DIAPH2: variants seen among roughly 807,000 people sequenced by gnomAD.
DIAPH2 encodes the protein diaphanous related formin 2, also known as protein diaphanous homolog 2.
A neutral mutation model predicts 92.7 loss-of-function variants in DIAPH2; 35 were observed. That is an observed-to-expected ratio of 0.38 (90% CI 0.29 to 0.50). The LOEUF (loss-of-function observed/expected upper bound fraction) is 0.50. Among genes scored for constraint, DIAPH2 ranks in the 20% least tolerant of loss-of-function variants. DIAPH2 has a pLI of 0.94. For synonymous variants in DIAPH2, 301 were observed against 280.4 expected, an observed-to-expected ratio of 1.07 and a Z score of -0.73; for missense variants, 701 against 819.5, an observed-to-expected ratio of 0.86 and a Z score of 1.77.
intron 21 of DIAPH2, among the ~76,000 whole-genome samples, chrX:97,124,783 A>G (rs5920749): frequency 0.046 from 5,174 of 111,552 alleles, 110 homozygotes; most frequent in Non-Finnish European, 0.064. Context: ...TGCCTCCTAG[A>G]TATCTAGATA....
At chrX:96,755,585 G>C (rs1459076087) in intron 3 of DIAPH2, among the ~76,000 whole-genome samples, 7 of 110,681 alleles carry the variant, frequency 6.3e-5, no homozygotes, top group Non-Finnish European at 1.3e-4. Flanking sequence ...CTTGGGAGGT[G>C]GAGCTTGCAG....
chrX:97,439,800 A>G (rs780947818), intron 26 of DIAPH2, among the ~76,000 whole-genome samples: 1 of 110,213 alleles, frequency 9.1e-6, no homozygotes, highest in South Asian at 4.1e-4. Context: ...AATCTTTGTC[A>G]ACTTCAGAAT....
At chrX:97,411,855 A>C (rs1486588450) in intron 25 of DIAPH2, among the ~76,000 whole-genome samples, 1 of 112,043 alleles carries the variant, frequency 8.9e-6, no homozygotes, top group Non-Finnish European at 1.9e-5. Context: ...AGAGCTGACT[A>C]TCCTAAATAT....
At chrX:97,233,701 G>A (rs889214210) in intron 22 of DIAPH2, among the ~76,000 whole-genome samples, 19 of 111,699 alleles carry the variant, frequency 1.7e-4, no homozygotes, top group African/African-American at 5.9e-4. Flanking sequence ...CTTTATAGTG[G>A]CTGATTTTTC....
At chrX:97,355,946 C>G (rs2069262628) in intron 24 of DIAPH2, among the ~76,000 whole-genome samples, 1 of 111,985 alleles carries the variant, frequency 8.9e-6, no homozygotes, top group Non-Finnish European at 1.9e-5. Flanking sequence ...CCTGTCCTGT[C>G]TTGCTGTAGC....
chrX:97,178,761 A>G (rs2067515730), intron 22 of DIAPH2, among the ~76,000 whole-genome samples: 1 of 111,151 alleles, frequency 9.0e-6, no homozygotes, highest in African/African-American at 3.3e-5. Flanking sequence ...CGTCAATGTG[A>G]TAGTATTAAG....
chrX:96,686,884 A>T (rs2063773789), intron 1 of DIAPH2, among the ~76,000 whole-genome samples: 1 of 111,784 alleles, frequency 8.9e-6, no homozygotes, highest in Non-Finnish European at 1.9e-5. Context: ...TTTGAGTATT[A>T]TGTTAATAAT....
rs2071608521 is a variant in DIAPH2 at position 97,604,086 on chromosome X, G to A, written c.*4769G>A. ...CCAAAAGTCCAAAATTGAGGGGTTGGCAGGGCTGAACGTCTTCTGGAGACT... is the reference window on the plus strand; with the variant it reads ...CCAAAAGTCCAAAATTGAGGGGTTGACAGGGCTGAACGTCTTCTGGAGACT... On this transcript the variant is annotated 3_prime_UTR_variant, in exon 27 of 27. Transcript: ENST00000324765. 8.9e-6 allele frequency: 1 copy of A among 111,930 alleles called. No individual in the cohort carries two copies. Among genetic ancestry groups the A allele is most frequent in the African/African-American group, 3.3e-5 (1 of 30,694 alleles). 9.2% of individuals were successfully genotyped at this position (111,930 alleles called of 1,213,427 possible). A position where few individuals can be genotyped will look rare whatever the true frequency, so the allele number is the denominator to read the frequency against.
chrX:97,374,584 T>A (rs905270543), intron 24 of DIAPH2, among the ~76,000 whole-genome samples: 1 of 111,979 alleles, frequency 8.9e-6, no homozygotes, highest in African/African-American at 3.3e-5. Flanking sequence ...AAAGAAAAAG[T>A]TTAGCAGTAT....
intron 22 of DIAPH2, among the ~76,000 whole-genome samples, chrX:97,234,563 C>A (rs1230143949): frequency 9.0e-6 from 1 of 111,540 alleles, no homozygotes; most frequent in Non-Finnish European, 1.9e-5. Flanking sequence ...CACACACAGT[C>A]CCTGTCACAA....
At chrX:97,319,548 G>A (rs949039963) in intron 23 of DIAPH2, among the ~76,000 whole-genome samples, 2 of 109,870 alleles carry the variant, frequency 1.8e-5, no homozygotes, top group African/African-American at 3.3e-5. Flanking sequence ...CACTGCACCC[G>A]GCTAATTTTT....
At chrX:96,894,974 A>ATTTTTTTTTT (rs766131166) in intron 5 of DIAPH2, among the ~76,000 whole-genome samples, 4 of 59,525 alleles carry the variant, frequency 6.7e-5, no homozygotes, top group Non-Finnish European at 6.1e-5. Flanking sequence ...GTTTTTCTTA[A>ATTTTTTTTTT]TTTTTTTTTT....
intron 26 of DIAPH2, among the ~76,000 whole-genome samples, chrX:97,504,904 A>G (rs2070822173): frequency 8.9e-6 from 1 of 112,266 alleles, no homozygotes. Flanking sequence ...GGATTCTTCT[A>G]TGAATCTCTG....
chrX:97,596,015 T>C (rs1249517328), intron 26 of DIAPH2, among the ~76,000 whole-genome samples: 1 of 112,130 alleles, frequency 8.9e-6, no homozygotes, highest in Non-Finnish European at 1.9e-5. Context: ...TCAGAATCTA[T>C]TCACCTTCAC....
intron 4 of DIAPH2, among the ~76,000 whole-genome samples, chrX:96,807,148 A>T (rs1370979057): frequency 1.8e-5 from 2 of 112,225 alleles, no homozygotes; most frequent in Admixed American, 9.4e-5. Context: ...ATAGGCATAG[A>T]TGTTCTGGAC....
chrX:96,846,074 G>T (rs2064969290), intron 4 of DIAPH2, among the ~76,000 whole-genome samples: 1 of 109,250 alleles, frequency 9.2e-6, no homozygotes, highest in South Asian at 4.0e-4. Context: ...AAAGTGTTGG[G>T]ATTACAGGTG....
At chrX:96,888,743 A>C (rs1047025357) in intron 5 of DIAPH2, among the ~76,000 whole-genome samples, 2 of 107,112 alleles carry the variant, frequency 1.9e-5, no homozygotes, top group Non-Finnish European at 3.8e-5. Context: ...AAGACCTTTA[A>C]ATGTACATAT....
At chrX:97,222,987 G>A (rs1203324664) in intron 22 of DIAPH2, among the ~76,000 whole-genome samples, 1 of 110,419 alleles carries the variant, frequency 9.1e-6, no homozygotes, top group African/African-American at 3.3e-5. Context: ...ATGCCCTTAA[G>A]CTAACATTTT....
At chrX:96,828,764 G>C (rs1034329506) in intron 4 of DIAPH2, among the ~76,000 whole-genome samples, 6 of 111,493 alleles carry the variant, frequency 5.4e-5, no homozygotes, top group African/African-American at 2.0e-4. Flanking sequence ...TGTGATTTCT[G>C]TGAATAAGTA....
Sources: allele counts gnomAD v4.1 joint callset (sites outside exome capture counted in the v4.1 genomes callset), GRCh38; gene constraint gnomAD v4.1.1; transcripts MANE v1.5; gene names NCBI Gene and HGNC (gene_info 2026-07-23, HGNC 2026-07-21).